The following COG8 variants were observed in gnomAD, a reference collection of about 807,000 sequenced individuals.
COG8 encodes the protein component of oligomeric golgi complex 8.
Under a neutral mutation model 46.5 loss-of-function variants are expected in COG8, and 45 were observed. That is an observed-to-expected ratio of 0.97 (90% confidence interval 0.76 to 1.24). The LOEUF is 1.24. COG8 is among the 50% of genes most tolerant of loss of function. The probability of loss-of-function intolerance (pLI) is 0.00; values close to 1 mark genes in which losing one functional copy is unlikely to be tolerated. For synonymous variants in COG8, 407 were observed against 347.8 expected (o/e 1.17, Z -1.90); for missense variants, 793 against 820.8 (o/e 0.97, Z 0.41).
chr16:69,330,439 C>G (rs1440854884), intron 5 of COG8: 1 of 1,473,950 alleles, frequency 6.8e-7, no homozygotes, highest in Non-Finnish European at 8.9e-7. Context: ...AGGAGCGCCG[C>G]AGCGCCGGGC....
At chr16:69,330,641 C>A in intron 5 of COG8, 172 bp downstream of exon 5, 5 of 1,401,672 alleles carry the variant, frequency 3.6e-6, no homozygotes, top group Non-Finnish European at 4.6e-6. Context: ...GAAGCGCCGT[C>A]GGCCAGCACA....
chr16:69,330,556 C>T, intron 5 of COG8: 1 of 1,469,140 alleles, frequency 6.8e-7, no homozygotes, highest in East Asian at 2.9e-5. Flanking sequence ...TCAGCGCGCC[C>T]CACAGCCGGG....
rs1246840387 is a variant in COG8, at chr16:69,326,517, A to T, written c.*2689T>A. On this transcript the variant is annotated 3_prime_UTR_variant, in exon 6 of 6. Transcript: ENST00000306875. ...TCATTCCTACTGCTTAAACACCTTGACAAGTCCTAGGGGTTAACAAAGGTT... is the reference window on the plus strand; with the variant it reads ...TCATTCCTACTGCTTAAACACCTTGTCAAGTCCTAGGGGTTAACAAAGGTT... 6.6e-6 allele frequency: 1 copy of T among 152,248 alleles called. No individual in the cohort carries two copies. The highest frequency in any genetic ancestry group is 6.5e-5 in the Admixed American group (1 of 15,282). The allele number at this position is 152,248 out of a possible 1,614,324, so 9.4% of individuals were successfully genotyped here. A position where few individuals can be genotyped will look rare whatever the true frequency, so the allele number is the denominator to read the frequency against.
rs1470086887 is a variant in COG8, at chr16:69,336,641, G to C, written c.449C>G (p.Thr150Arg). The stretch of plus-strand genomic sequence containing the variant: ...AATCTCCAGTATTTCCAAAATTTCT[G>C]TGTGCCGGTTTAGGGTCAGGCTATT... ...RMNSLTLNRH[T>R]EILEILEIPQ... Residue 150 changes from threonine (T) to arginine (R), a missense_variant, in exon 2 of 6, where the codon ACA (threonine) becomes AGA (arginine). Transcript: ENST00000306875. The C allele has an allele frequency of 1.2e-6, 2 of 1,614,008 alleles. No individual in the cohort carries two copies. Among genetic ancestry groups the C allele is most frequent in the African/African-American group, 2.7e-5 (2 of 74,908 alleles).
At position 69,336,595 on chromosome 16, in the gene COG8, A is replaced by G. The variant is rs2012219176; in HGVS notation, c.495T>C (p.Cys165=). 3 of 1,614,190 alleles carry G rather than the reference A, an allele frequency of 1.9e-6. No individual in the cohort carries two copies. The highest frequency in any genetic ancestry group is 2.2e-5 in the East Asian group (1 of 44,892). ...ILEIPQLMDT[C]VRNSYYEEAL... Reference sequence around the variant, plus strand: ...CCTCTTCATAATAACTGTTCCGGACACAGGTGTCCATGAGCTGAGGAATCT... The same window carrying G: ...CCTCTTCATAATAACTGTTCCGGACGCAGGTGTCCATGAGCTGAGGAATCT... Residue 165 remains cysteine, a synonymous_variant, in exon 2 of 6, where the codon TGT becomes TGC. Transcript: ENST00000306875.
intron 5 of COG8, chr16:69,330,025 C>T (rs909404415): frequency 1.6e-5 from 24 of 1,542,290 alleles, no homozygotes; most frequent in Non-Finnish European, 2.0e-5. Context: ...GGAAGCGGGG[C>T]ACGCAGGCCA....
chr16:69,339,177 T>A lies in COG8; in HGVS notation c.376A>T (p.Arg126Trp). 1.2e-6 allele frequency: 2 copies of A among 1,612,942 alleles called. No individual in the cohort carries two copies. The highest frequency in any genetic ancestry group is 4.5e-5 in the East Asian group (2 of 44,874). Residue 126 changes from arginine to tryptophan, a missense_variant and splice_region_variant, in exon 1 of 6, where the codon AGG (arginine) becomes TGG (tryptophan). Transcript: ENST00000306875. ...DRLPSFQQSC[R>W]NFVKEAEEIS... ...CCTTTAGCGCCAGGCGCGTCGCACC[T>A]GCAGCTCTGCTGGAAGCTGGGCAAA...
At chr16:69,339,056 A>T in intron 1 of COG8, 120 bp downstream of exon 1, 2 of 1,388,720 alleles carry the variant, frequency 1.4e-6, no homozygotes, top group Non-Finnish European at 2.0e-6. Context: ...TAAATGGATT[A>T]ATAAAGCGCT....
In COG8 at chr16:69,330,902, G is replaced by A. The variant is rs1306743003; in HGVS notation, c.1776C>T (p.Gly592=). ...PAEEPRLEPA[G]PACPEGGRAE... is the part of the protein sequence containing the mutation. ...CTCGCCCTCCCTCCGGGCAGGCTGG[G>A]CCCGCGGGCTCCAGGCGTGGCTCCT... Residue 592 remains glycine (G), a synonymous_variant, in exon 5 of 6, where the codon GGC becomes GGT. Transcript: ENST00000306875. 3.2e-6 allele frequency: 5 copies of A among 1,552,190 alleles called. No individual in the cohort carries two copies. The highest frequency in any genetic ancestry group is 1.4e-5 in the African/African-American group (1 of 73,294).
At chr16:69,329,367 C>T (rs1272716706) in intron 5 of COG8, among the ~76,000 whole-genome samples, 188 bp from the exon 6 acceptor site, 3 of 152,208 alleles carry the variant, frequency 2.0e-5, no homozygotes, top group Admixed American at 2.0e-4. Context: ...AAGCGTTCAA[C>T]CTGGTTCCCA....
At position 69,326,476 on chromosome 16, in the gene COG8, T is replaced by A. The variant is rs1165691942; in HGVS notation, c.*2730A>T. 1 of 152,254 alleles carries A rather than the reference T, an allele frequency of 6.6e-6. No homozygotes were observed. Among genetic ancestry groups the A allele is most frequent in the Non-Finnish European group, 1.5e-5 (1 of 68,046 alleles). 9.4% of individuals were successfully genotyped at this position (152,254 alleles called of 1,614,324 possible). On this transcript the variant is annotated 3_prime_UTR_variant, in exon 6 of 6. Transcript: ENST00000306875. ...TTACTTCTAGTTACATTTACTTGAA[T>A]CAGAACGTTGTTTCCTCATTCCTAC...
In COG8 at chr16:69,328,380, G is replaced by A. The variant is rs916896393; in HGVS notation, c.*826C>T. 1.3e-5 allele frequency: 2 copies of A among 152,364 alleles called. No homozygotes were observed. The highest frequency in any genetic ancestry group is 6.6e-5 in the Admixed American group (1 of 15,260). The allele number at this position is 152,364 out of a possible 1,614,324, so 9.4% of individuals were successfully genotyped here. On this transcript the variant is annotated 3_prime_UTR_variant, in exon 6 of 6. Transcript: ENST00000306875. ...AAAGGGCTCAGTGCACTTCTCAATT[G>A]TCACCCCTGCCCCCAGCCCTGATCC...
At position 69,327,259 on chromosome 16, in the gene COG8, C is replaced by T. The variant is rs1965623536; in HGVS notation, c.*1947G>A. The stretch of plus-strand genomic sequence containing the variant: ...CTCAGCCCACTGCAACCTCTGCCTC[C>T]CAGGTTTGAGCGATTCTCCCGCCTC... On this transcript the variant is annotated 3_prime_UTR_variant, in exon 6 of 6. Transcript: ENST00000306875. 6.6e-6 allele frequency: 1 copy of T among 150,952 alleles called. No individual in the cohort carries two copies. Among genetic ancestry groups the T allele is most frequent in the African/African-American group, 2.4e-5 (1 of 40,900 alleles). The allele number at this position is 150,952 out of a possible 1,614,324, so 9.4% of individuals were successfully genotyped here. A position where few individuals can be genotyped will look rare whatever the true frequency, so the allele number is the denominator to read the frequency against.
intron 3 of COG8, among the ~76,000 whole-genome samples, chr16:69,333,682 A>G (rs1163737326): frequency 1.3e-5 from 2 of 152,228 alleles, no homozygotes; most frequent in East Asian, 1.9e-4. Flanking sequence ...CGACAGGGTA[A>G]GAACACAGAC....
Position 69,337,000 on chromosome 16 carries a change from A to G in COG8, c.378-288T>C, listed in dbSNP as rs72795282. ...GCCTCTCTGAACCTATTTCCTCATTAGTAAAACGGTATATAGGGCCAGGCG... is the reference window on the plus strand; with the variant it reads ...GCCTCTCTGAACCTATTTCCTCATTGGTAAAACGGTATATAGGGCCAGGCG... On this transcript the variant is annotated intron_variant, in intron 1 of 5. Transcript: ENST00000306875. Among the ~76,000 whole-genome samples the G allele has an allele frequency of 0.087, 13,230 of 152,236 alleles. 750 individuals are homozygous for G. The highest frequency in any genetic ancestry group is 0.16 in the African/African-American group (6,567 of 41,522).
Position 69,331,090 on chromosome 16 carries a change from G to A in COG8, c.1588C>T (p.Pro530Ser). The A allele has an allele frequency of 6.2e-7, 1 of 1,613,906 alleles. No homozygotes were observed. Residue 530 changes from proline (P) to serine (S), a missense_variant, in exon 5 of 6, where the codon CCT becomes TCT. Physicochemically the swap from Pro to Ser is moderately conservative, Grantham distance 74 (BLOSUM62 -1). Transcript: ENST00000306875. ...CCGTACTTGGAGAGCTGAGTGGGAG[G>A]AATGCCTAACCCAGACGTGGGGAAA... Reference protein sequence around the residue: ...PAQIAQTLGIPPTQLSKYGNL... With the variant: ...PAQIAQTLGISPTQLSKYGNL...
At chr16:69,329,736 G>A (rs1030203272) in intron 5 of COG8, among the ~76,000 whole-genome samples, 2 of 152,220 alleles carry the variant, frequency 1.3e-5, no homozygotes, top group Non-Finnish European at 2.9e-5. Flanking sequence ...GTTTGCCTCA[G>A]AGAGCAAGGG....
chr16:69,337,521 G>A (rs2012272719), intron 1 of COG8, among the ~76,000 whole-genome samples: 2 of 152,124 alleles, frequency 1.3e-5, no homozygotes, highest in Admixed American at 6.6e-5. Flanking sequence ...CTATGCTAAT[G>A]TTCAACCATA....
chr16:69,329,232 C>T (rs1289617126), intron 5 of COG8, 53 bp from the exon 6 acceptor site: 21 of 1,492,284 alleles, frequency 1.4e-5, no homozygotes, highest in Non-Finnish European at 1.8e-5. Flanking sequence ...CTGCATCATC[C>T]TCAACCTCCC....
Sources: allele counts gnomAD v4.1 joint callset (sites outside exome capture counted in the v4.1 genomes callset), GRCh38; gene constraint gnomAD v4.1.1; transcripts MANE v1.5; gene names NCBI Gene and HGNC (gene_info 2026-07-23, HGNC 2026-07-21).